Variants in STMN2 observed in about 807,000 individuals in gnomAD.
STMN2 encodes stathmin 2, also known as stathmin-2.
A neutral mutation model predicts 24.1 loss-of-function variants in STMN2; 2 were observed. That is an observed-to-expected ratio of 0.08 (90% CI 0.03 to 0.26). The LOEUF is 0.26. STMN2 is among the 10% of genes least tolerant of loss of function. The pLI, the probability that STMN2 is intolerant of heterozygous loss-of-function variation, is 1.00. For synonymous variants in STMN2, 83 were observed against 77.5 expected, an observed-to-expected ratio of 1.07 and a Z score of -0.37; for missense variants, 114 against 213.6, an observed-to-expected ratio of 0.53 and a Z score of 2.91.
At chr8:79,631,567 T>C in intron 1 of STMN2, 1 of 667,710 alleles carries the variant, frequency 1.5e-6, no homozygotes, top group Non-Finnish European at 1.9e-6. Flanking sequence ...TTATTTCTTT[T>C]TCTTTTTAAA....
chr8:79,655,108 CA>C (rs764036915), intron 4 of STMN2, 46 bp downstream of exon 4: 2 of 1,590,754 alleles, frequency 1.3e-6, no homozygotes. Context: ...TCATATGCAG[CA>C]CAGCTGGGTG....
At chr8:79,658,197 G>C (rs1806418047) in intron 4 of STMN2, among the ~76,000 whole-genome samples, 1 of 152,188 alleles carries the variant, frequency 6.6e-6, no homozygotes, top group Non-Finnish European at 1.5e-5. Context: ...CTACTTCAGA[G>C]GCTGAGATGA....
chr8:79,613,179 C>T (rs531383373), intron 1 of STMN2, among the ~76,000 whole-genome samples: 3 of 151,538 alleles, frequency 2.0e-5, no homozygotes, highest in African/African-American at 7.2e-5. Flanking sequence ...CCTCTGTTCT[C>T]TATGATTTTC....
chr8:79,643,158 T>TATATAC (rs996047451), intron 3 of STMN2, among the ~76,000 whole-genome samples: 2 of 146,544 alleles, frequency 1.4e-5, no homozygotes, highest in Non-Finnish European at 3.0e-5. Context: ...TGTATATATA[T>TATATAC]ATATATATAT....
At chr8:79,626,588 G>A (rs1005759734) in intron 1 of STMN2, among the ~76,000 whole-genome samples, 3 of 152,210 alleles carry the variant, frequency 2.0e-5, no homozygotes, top group South Asian at 2.1e-4. Flanking sequence ...CCAACATCTC[G>A]GCTCTTAACC....
intron 4 of STMN2, among the ~76,000 whole-genome samples, chr8:79,656,048 T>C (rs543743218): frequency 8.5e-5 from 13 of 152,324 alleles, no homozygotes; most frequent in Admixed American, 5.2e-4. Flanking sequence ...GAGATGGCCC[T>C]TCTCATCTAA....
chr8:79,635,737 A>G (rs1809930794), intron 1 of STMN2, among the ~76,000 whole-genome samples: 1 of 152,168 alleles, frequency 6.6e-6, no homozygotes, highest in Non-Finnish European at 1.5e-5. Context: ...TGAGAACAAT[A>G]AACACTGTGG....
chr8:79,632,724 C>T (rs1412270383), intron 1 of STMN2, among the ~76,000 whole-genome samples: 1 of 152,214 alleles, frequency 6.6e-6, no homozygotes, highest in East Asian at 1.9e-4. Context: ...TAATACATAT[C>T]ACTACTTCTT....
chr8:79,646,978 G>A lies in STMN2; in HGVS notation c.288+5428G>A, dbSNP rs78779809. ...TTTGGATAGGGAGTTGGAGAGTAGC[G>A]AGGTGGGATTAGGGAGGGCTGTGAA... On this transcript the variant is annotated intron_variant, in intron 3 of 4. Transcript: ENST00000220876. Among the ~76,000 whole-genome samples the A allele has an allele frequency of 2.0e-3, 307 of 152,146 alleles. 8 individuals carry two copies. In the East Asian group the frequency reaches 0.051, roughly 25 times the overall value.
chr8:79,626,346 G>C (rs144258510), intron 1 of STMN2, among the ~76,000 whole-genome samples: 1 of 152,214 alleles, frequency 6.6e-6, no homozygotes, highest in Non-Finnish European at 1.5e-5. Context: ...CTATTGTGAA[G>C]TTTGCCTTTT....
chr8:79,614,307 T>G (rs1456915415), intron 1 of STMN2, among the ~76,000 whole-genome samples: 1 of 152,230 alleles, frequency 6.6e-6, no homozygotes, highest in East Asian at 1.9e-4. Flanking sequence ...CATTAAACAA[T>G]TATGTATTCA....
chr8:79,618,070 C>G (rs1809424646), intron 1 of STMN2, among the ~76,000 whole-genome samples: 1 of 152,256 alleles, frequency 6.6e-6, no homozygotes, highest in Non-Finnish European at 1.5e-5. Flanking sequence ...AGTCTCATAT[C>G]TGTTCCATGT....
At chr8:79,640,072 C>T (rs561043546) in intron 2 of STMN2, among the ~76,000 whole-genome samples, 112 of 152,230 alleles carry the variant, frequency 7.4e-4, no homozygotes, top group African/African-American at 2.5e-3. Flanking sequence ...TGGTGGTAAG[C>T]GCCTGTAGTC....
At chr8:79,648,587 C>G (rs907278924) in intron 3 of STMN2, among the ~76,000 whole-genome samples, 6 of 151,606 alleles carry the variant, frequency 4.0e-5, no homozygotes, top group South Asian at 2.1e-4. Context: ...CTCAGTCTCC[C>G]AAGTAGCTGG....
intron 4 of STMN2, chr8:79,663,506 TTATGA>T: frequency 2.1e-6 from 2 of 939,728 alleles, no homozygotes; most frequent in Non-Finnish European, 3.1e-6. Context: ...ATATTCAGTA[TTATGA>T]TATAAAGAAC....
intron 3 of STMN2, among the ~76,000 whole-genome samples, chr8:79,646,161 C>G (rs1013787445): frequency 2.6e-5 from 4 of 152,030 alleles, no homozygotes; most frequent in African/African-American, 9.7e-5. Flanking sequence ...CAATTATAGT[C>G]ACTAAGTTTC....
intron 1 of STMN2, among the ~76,000 whole-genome samples, chr8:79,623,257 T>C (rs1809561711): frequency 6.6e-6 from 1 of 152,196 alleles, no homozygotes; most frequent in Non-Finnish European, 1.5e-5. Flanking sequence ...TTACAATCAA[T>C]AGTGTTTCAG....
At chr8:79,617,161 T>G (rs867856527) in intron 1 of STMN2, among the ~76,000 whole-genome samples, 2 of 152,200 alleles carry the variant, frequency 1.3e-5, no homozygotes, top group Middle Eastern at 3.4e-3. Context: ...TTGAAAAGAG[T>G]GTTTTCTTCT....
chr8:79,660,644 A>G (rs982731234), intron 4 of STMN2, among the ~76,000 whole-genome samples: 16 of 152,240 alleles, frequency 1.1e-4, no homozygotes, highest in African/African-American at 3.9e-4. Flanking sequence ...AATTTTGATA[A>G]TATGTACCTG....
Sources: gnomAD v4.1 joint callset for allele counts (sites outside exome capture counted in the v4.1 genomes callset) on GRCh38, gnomAD v4.1.1 for gene constraint, MANE v1.5 for transcripts, NCBI Gene and HGNC (gene_info 2026-07-23, HGNC 2026-07-21) for gene names.